The following SORBS2 variants were observed in gnomAD, a reference collection of about 807,000 sequenced individuals.
The protein encoded by SORBS2 is sorbin and SH3 domain containing 2, also known as sorbin and SH3 domain-containing protein 2.
Under a neutral mutation model 97.7 loss-of-function variants are expected in SORBS2, and 46 were observed. The ratio of observed to expected loss-of-function variants is 0.47; its 90% confidence interval spans 0.37 to 0.60. The LOEUF is 0.60. SORBS2 is among the 20% of genes least tolerant of loss of function. SORBS2 has a pLI of 0.00. For missense variants in SORBS2, 1,316 were observed against 1,282.3 expected, an observed-to-expected ratio of 1.03 and a Z score of -0.40; for synonymous variants, 476 against 473.4, an observed-to-expected ratio of 1.01 and a Z score of -0.07.
rs111537289 is a variant in SORBS2, at chr4:185,738,075, G to A, written c.-198+37152C>T. ...CACAGAATGTTTTTGTGCTGTCCAC[G>A]CCTTCCTCAACATCTGCCTCCACTT... is the stretch of plus-strand genomic sequence containing the variant. On this transcript the variant is annotated intron_variant, in intron 2 of 20. Coordinates refer to the SORBS2 transcript ENST00000284776. Among the ~76,000 whole-genome samples the A allele has an allele frequency of 6.2e-3, 944 of 152,292 alleles. 14 individuals carry two copies. Among genetic ancestry groups the A allele is most frequent in the African/African-American group, 0.02 (851 of 41,562 alleles).
chr4:185,587,616 G>A, exon 15 of SORBS2: 2 of 1,612,610 alleles, frequency 1.2e-6, no homozygotes, highest in Non-Finnish European at 1.7e-6. Context: ...TACAGAAGGA[G>A]GGAGCGCAAT....
intron 12 of SORBS2, among the ~76,000 whole-genome samples, chr4:185,604,820 T>G (rs1490665928): frequency 1.3e-5 from 2 of 151,962 alleles, no homozygotes; most frequent in Non-Finnish European, 2.9e-5. Flanking sequence ...CTTCTAAAAG[T>G]GAAGGAAAAA....
chr4:185,768,343 A>G (rs2098948634), intron 2 of SORBS2, among the ~76,000 whole-genome samples: 1 of 152,172 alleles, frequency 6.6e-6, no homozygotes, highest in Admixed American at 6.5e-5. Flanking sequence ...ATCTTTTAAG[A>G]TTGCATTTCA....
chr4:185,863,250 C>A (rs2099224910), intron 1 of SORBS2, among the ~76,000 whole-genome samples: 1 of 152,036 alleles, frequency 6.6e-6, no homozygotes, highest in Non-Finnish European at 1.5e-5. Flanking sequence ...ATAATATAGA[C>A]CTTTATTGAG....
chr4:185,873,602 T>C (rs931104681), intron 1 of SORBS2, among the ~76,000 whole-genome samples: 2 of 152,142 alleles, frequency 1.3e-5, no homozygotes, highest in African/African-American at 4.8e-5. Context: ...ATCAAAAGGG[T>C]AGATCAATCA....
intron 1 of SORBS2, among the ~76,000 whole-genome samples, chr4:185,795,842 T>G (rs540062162): frequency 6.6e-6 from 1 of 152,284 alleles, no homozygotes. Context: ...TTCACTATCT[T>G]CTTCCCCCAA....
At chr4:185,669,449 C>T (rs997796534) in intron 4 of SORBS2, among the ~76,000 whole-genome samples, 3 of 152,182 alleles carry the variant, frequency 2.0e-5, no homozygotes, top group Admixed American at 1.3e-4. Context: ...GACAACACAT[C>T]TATAGTCATA....
At chr4:185,618,723 C>G in intron 8 of SORBS2, 92 bp from the exon 21 acceptor site, 2 of 674,972 alleles carry the variant, frequency 3.0e-6, no homozygotes, top group Non-Finnish European at 5.0e-6. Context: ...AAGGAAACCT[C>G]AGGGAATCAT....
At chr4:185,833,496 C>G (rs2099206266) in intron 1 of SORBS2, among the ~76,000 whole-genome samples, 1 of 152,120 alleles carries the variant, frequency 6.6e-6, no homozygotes, top group Non-Finnish European at 1.5e-5. Flanking sequence ...TGCTACTACA[C>G]TATGTAATTA....
chr4:185,782,644 A>T (rs1365906708), intron 1 of SORBS2, among the ~76,000 whole-genome samples: 1 of 152,252 alleles, frequency 6.6e-6, no homozygotes, highest in East Asian at 1.9e-4. Context: ...AGTCATTCCA[A>T]TGGTATGAAA....
At chr4:185,834,159 T>A (rs932876880) in intron 1 of SORBS2, among the ~76,000 whole-genome samples, 4 of 152,230 alleles carry the variant, frequency 2.6e-5, no homozygotes, top group Non-Finnish European at 5.9e-5. Flanking sequence ...AATTGGCTTG[T>A]GGTTCCACAG....
chr4:185,893,226 T>C (rs1008308987), intron 1 of SORBS2, among the ~76,000 whole-genome samples: 12 of 152,190 alleles, frequency 7.9e-5, no homozygotes, highest in Non-Finnish European at 1.5e-4. Flanking sequence ...AAATGGATTG[T>C]CTTCTGCTGC....
At chr4:185,906,347 A>G (rs1397623983) in intron 1 of SORBS2, among the ~76,000 whole-genome samples, 1 of 152,088 alleles carries the variant, frequency 6.6e-6, no homozygotes, top group Admixed American at 6.6e-5. Flanking sequence ...TATTTTTATA[A>G]GTAATGATTT....
intron 4 of SORBS2, among the ~76,000 whole-genome samples, chr4:185,636,891 C>T (rs2153441444): frequency 6.6e-6 from 1 of 152,230 alleles, no homozygotes; most frequent in East Asian, 1.9e-4. Context: ...TCGTGATCCG[C>T]CTGCCTCGGC....
At chr4:185,707,658 G>A (rs1430544250) in intron 2 of SORBS2, among the ~76,000 whole-genome samples, 1 of 152,102 alleles carries the variant, frequency 6.6e-6, no homozygotes, top group Non-Finnish European at 1.5e-5. Flanking sequence ...CCAAGACTGG[G>A]TAATTTATAA....
intron 1 of SORBS2, among the ~76,000 whole-genome samples, chr4:185,926,130 G>A (rs1367085348): frequency 6.6e-6 from 1 of 152,234 alleles, no homozygotes; most frequent in East Asian, 1.9e-4. Context: ...CTATGTGCCA[G>A]GCTTGGGATC....
chr4:185,649,183 T>G (rs1208433048), intron 3 of SORBS2, among the ~76,000 whole-genome samples: 1 of 152,192 alleles, frequency 6.6e-6, no homozygotes, highest in Non-Finnish European at 1.5e-5. Context: ...ACATGTCCAT[T>G]ATTTCTATTT....
intron 1 of SORBS2, among the ~76,000 whole-genome samples, chr4:185,883,719 G>C (rs1040726418): frequency 6.6e-6 from 1 of 152,194 alleles, no homozygotes; most frequent in Non-Finnish European, 1.5e-5. Context: ...GGGTGTGGTG[G>C]CATGTGCCTG....
chr4:185,638,879 G>A lies in SORBS2; in HGVS notation c.396+7789C>T, dbSNP rs572106899. The A allele has an allele frequency of 7.2e-5, 106 of 1,469,572 alleles. No individual in the cohort carries two copies. In the African/African-American group the frequency reaches 1.4e-3, roughly 19 times the overall value. The allele number at this position is 1,469,572 out of a possible 1,614,324, so 91.0% of individuals were successfully genotyped here. A position where few individuals can be genotyped will look rare whatever the true frequency, so the allele number is the denominator to read the frequency against. Reference sequence around the variant, plus strand: ...AGGTAAGGAAGGAAGGAGCTCACCCGGGTGGGAGACAGAGCCGGGGCGCGC... The same window carrying A: ...AGGTAAGGAAGGAAGGAGCTCACCCAGGTGGGAGACAGAGCCGGGGCGCGC... On this transcript the variant is annotated intron_variant, in intron 4 of 14. Transcript: ENST00000418609.
Sources: allele counts gnomAD v4.1 joint callset (sites outside exome capture counted in the v4.1 genomes callset), GRCh38; gene constraint gnomAD v4.1.1; transcripts MANE v1.5; gene names NCBI Gene and HGNC (gene_info 2026-07-23, HGNC 2026-07-21).